KCNJ12: variants seen among roughly 807,000 people sequenced by gnomAD.
The protein encoded by KCNJ12 is potassium inwardly rectifying channel subfamily J member 12.
A neutral mutation model predicts 22.3 loss-of-function variants in KCNJ12; 2 were observed. That is an observed-to-expected ratio of 0.09 (90% CI 0.04 to 0.28). The LOEUF is 0.28. Among genes scored for constraint, KCNJ12 ranks in the 10% least tolerant of loss-of-function variants. The pLI, the probability that KCNJ12 is intolerant of heterozygous loss-of-function variation, is 1.00. For missense variants in KCNJ12, 155 were observed against 633.3 expected, an observed-to-expected ratio of 0.24 and a Z score of 8.11; for synonymous variants, 117 against 261.4, an observed-to-expected ratio of 0.45 and a Z score of 5.33.
chr17:21,399,614 C>T (rs1905503156), intron 1 of KCNJ12, among the ~76,000 whole-genome samples: 1 of 152,142 alleles, frequency 6.6e-6, no homozygotes, highest in Non-Finnish European at 1.5e-5. Context: ...TAGCTGCCAC[C>T]AAAGGAATGG....
intron 1 of KCNJ12, among the ~76,000 whole-genome samples, chr17:21,405,929 C>T (rs1905900960): frequency 6.6e-6 from 1 of 152,426 alleles, no homozygotes; most frequent in Admixed American, 6.5e-5. Flanking sequence ...GCTAATTTTG[C>T]CTTCCTCCTA....
At chr17:21,405,518 C>T (rs1274855616) in intron 1 of KCNJ12, among the ~76,000 whole-genome samples, 23 of 152,210 alleles carry the variant, frequency 1.5e-4, no homozygotes, top group Non-Finnish European at 2.1e-4. Flanking sequence ...GCCTGGCAGG[C>T]GACACCAGCC....
At chr17:21,407,755 T>TCATC (rs1240756282) in intron 1 of KCNJ12, among the ~76,000 whole-genome samples, 11,268 of 140,190 alleles carry the variant, frequency 0.08, 1 homozygote, top group Non-Finnish European at 0.09. Context: ...ATCCATCCAT[T>TCATC]CATCCATCCA....
intron 1 of KCNJ12, among the ~76,000 whole-genome samples, chr17:21,395,568 CAAAAAA>C (rs10652801): frequency 8.3e-5 from 4 of 48,140 alleles, no homozygotes; most frequent in East Asian, 9.7e-4. Flanking sequence ...GACTTCTTCT[CAAAAAA>C]AAAAAAAAAA....
intron 2 of KCNJ12, among the ~76,000 whole-genome samples, chr17:21,409,736 G>C (rs1906213593): frequency 6.6e-6 from 1 of 152,300 alleles, no homozygotes; most frequent in Non-Finnish European, 1.5e-5. Flanking sequence ...TGTAGGAATT[G>C]AGACAGGTGG....
rs560008845 is a variant in KCNJ12, at chr17:21,390,300, C to T, written c.-179+13387C>T. On this transcript the variant is annotated intron_variant, in intron 1 of 2. Coordinates refer to ENST00000583088, the MANE Select transcript of KCNJ12 (RefSeq NM_021012.5). ...ACACCCTGGTTGGGAGTGAATCCTT[C>T]CAAAGGTGGCGATGGAGGGCCCACT... Among the ~76,000 whole-genome samples, 271 of 152,310 alleles carry T rather than the reference C, an allele frequency of 1.8e-3. 1 individual carries two copies. The highest frequency in any genetic ancestry group is 6.2e-3 in the African/African-American group (258 of 41,574).
chr17:21,410,793 C>T (rs1201856642), intron 2 of KCNJ12, among the ~76,000 whole-genome samples: 1 of 152,302 alleles, frequency 6.6e-6, no homozygotes, highest in African/African-American at 2.4e-5. Context: ...GGCTGTGTAA[C>T]CATCACAGTG....
At chr17:21,390,404 G>A (rs1388327856) in intron 1 of KCNJ12, among the ~76,000 whole-genome samples, 1 of 152,236 alleles carries the variant, frequency 6.6e-6, no homozygotes, top group Non-Finnish European at 1.5e-5. Flanking sequence ...TTCTGTGCCA[G>A]TGGACCACTG....
chr17:21,392,887 G>T (rs1555559475), intron 1 of KCNJ12, among the ~76,000 whole-genome samples: 1 of 152,192 alleles, frequency 6.6e-6, no homozygotes, highest in Non-Finnish European at 1.5e-5. Context: ...AATTTCATAG[G>T]CAGGGCAGGT....
intron 1 of KCNJ12, among the ~76,000 whole-genome samples, chr17:21,402,338 T>C (rs1905664315): frequency 6.6e-6 from 1 of 151,890 alleles, no homozygotes. Context: ...GTTCTTTTTT[T>C]TTCCTCAGCC....
chr17:21,409,621 G>A (rs1417198477), intron 2 of KCNJ12, among the ~76,000 whole-genome samples: 1 of 152,312 alleles, frequency 6.6e-6, no homozygotes, highest in Non-Finnish European at 1.5e-5. Context: ...ATCAGTCACT[G>A]ACTGAAAGCT....
intron 1 of KCNJ12, among the ~76,000 whole-genome samples, chr17:21,395,568 CAAAAAAA>C (rs10652801): frequency 2.3e-4 from 11 of 48,132 alleles, no homozygotes; most frequent in South Asian, 1.3e-3. Context: ...GACTTCTTCT[CAAAAAAA>C]AAAAAAAAAA....
At chr17:21,402,331 C>CT (rs1290123532) in intron 1 of KCNJ12, among the ~76,000 whole-genome samples, 1 of 152,130 alleles carries the variant, frequency 6.6e-6, no homozygotes, top group Admixed American at 6.5e-5. Flanking sequence ...TACTCAAGTT[C>CT]TTTTTTTTTC....
intron 1 of KCNJ12, among the ~76,000 whole-genome samples, chr17:21,392,119 C>A (rs1313287598): frequency 6.6e-6 from 1 of 152,172 alleles, no homozygotes; most frequent in Non-Finnish European, 1.5e-5. Context: ...GCAGTGACTT[C>A]GAGGGAGGTG....
chr17:21,383,224 C>A (rs548195243), intron 1 of KCNJ12, among the ~76,000 whole-genome samples: 16 of 152,306 alleles, frequency 1.1e-4, no homozygotes, highest in African/African-American at 3.9e-4. Context: ...CAGCTGCAGC[C>A]GGGCCCGAGC....
chr17:21,394,375 C>T (rs1905284126), intron 1 of KCNJ12, among the ~76,000 whole-genome samples: 1 of 152,188 alleles, frequency 6.6e-6, no homozygotes, highest in African/African-American at 2.4e-5. Flanking sequence ...CATCACACAA[C>T]CTGGGTGTGC....
chr17:21,378,146 C>T (rs1397286324), intron 1 of KCNJ12, among the ~76,000 whole-genome samples: 1 of 152,210 alleles, frequency 6.6e-6, no homozygotes, highest in Non-Finnish European at 1.5e-5. Flanking sequence ...TCTGAGATGC[C>T]AAAGGAGAGC....
intron 1 of KCNJ12, among the ~76,000 whole-genome samples, chr17:21,382,647 C>G (rs540421865): frequency 6.6e-6 from 1 of 152,210 alleles, no homozygotes; most frequent in Non-Finnish European, 1.5e-5. Flanking sequence ...CTGCCCGTCC[C>G]TCCTCCCCTG....
At chr17:21,386,579 C>G (rs1766340849) in intron 1 of KCNJ12, among the ~76,000 whole-genome samples, 1 of 152,118 alleles carries the variant, frequency 6.6e-6, no homozygotes, top group Admixed American at 6.5e-5. Flanking sequence ...GTGATCTCGG[C>G]TCACTGCAAC....
Sources: gnomAD v4.1 joint callset for allele counts (sites outside exome capture counted in the v4.1 genomes callset) on GRCh38, gnomAD v4.1.1 for gene constraint, MANE v1.5 for transcripts, NCBI Gene and HGNC (gene_info 2026-07-23, HGNC 2026-07-21) for gene names.